Variants in KIT observed in about 807,000 individuals in gnomAD.
KIT encodes mast/stem cell growth factor receptor Kit.
In KIT, 16 loss-of-function variants were observed where a neutral mutation model predicts 105.7. That is an observed-to-expected ratio of 0.15 (90% CI 0.10 to 0.23). The LOEUF (loss-of-function observed/expected upper bound fraction) is 0.23, where lower values mean the gene tolerates loss of function less well. Ranked by LOEUF, KIT falls within the 10% of genes least tolerant of loss-of-function variation. The probability of loss-of-function intolerance (pLI) is 1.00; values close to 1 mark genes in which losing one functional copy is unlikely to be tolerated. For missense variants in KIT, 858 were observed against 1,213.8 expected (o/e 0.71, Z 4.36); for synonymous variants, 438 against 441.1 (o/e 0.99, Z 0.09).
chr4:54,678,268 A>ATAGCTTCATAGCTTC (rs376042266), intron 1 of KIT, among the ~76,000 whole-genome samples: 3 of 149,190 alleles, frequency 2.0e-5, no homozygotes, highest in African/African-American at 5.0e-5. Context: ...TCATAGCTTC[A>ATAGCTTCATAGCTTC]ATGCATTCCA....
intron 14 of KIT, 86 bp from the exon 15 acceptor site, chr4:54,731,242 A>AGG: frequency 1.1e-6 from 1 of 887,584 alleles, no homozygotes; most frequent in Non-Finnish European, 1.9e-6. Flanking sequence ...TATGTAGCAA[A>AGG]GGGGATGAGG....
intron 1 of KIT, among the ~76,000 whole-genome samples, chr4:54,669,321 A>G (rs1462192240): frequency 1.3e-5 from 2 of 151,674 alleles, no homozygotes; most frequent in African/African-American, 2.4e-5. Context: ...TTTTCAAGGG[A>G]TATTATTTAA....
chr4:54,680,385 CTTTTTTTTTTT>C (rs756268006), intron 1 of KIT, among the ~76,000 whole-genome samples: 4 of 102,690 alleles, frequency 3.9e-5, no homozygotes, highest in Non-Finnish European at 6.0e-5. Context: ...TTCATTCGTC[CTTTTTTTTTTT>C]TTTTTTTTTA....
chr4:54,719,500 C>T (rs1403909933), intron 7 of KIT, among the ~76,000 whole-genome samples: 3 of 152,116 alleles, frequency 2.0e-5, no homozygotes, highest in African/African-American at 7.2e-5. Context: ...AATCTGCCTA[C>T]AAGCTGATCG....
chr4:54,730,067 C>A (rs1560419990), intron 14 of KIT, among the ~76,000 whole-genome samples: 1 of 152,190 alleles, frequency 6.6e-6, no homozygotes, highest in South Asian at 2.1e-4. Context: ...TTATTCTCAT[C>A]TCTTTCATCA....
intron 1 of KIT, among the ~76,000 whole-genome samples, chr4:54,676,448 G>T (rs777856710): frequency 6.6e-6 from 1 of 152,164 alleles, no homozygotes; most frequent in Non-Finnish European, 1.5e-5. Context: ...ATGTCAGAAC[G>T]TCAGACCAGG....
chr4:54,715,392 G>A (rs996529002), intron 7 of KIT, among the ~76,000 whole-genome samples: 54 of 149,648 alleles, frequency 3.6e-4, no homozygotes, highest in Admixed American at 3.2e-3. Context: ...AAAAATGCCC[G>A]GGGCTGGGTG....
At chr4:54,729,625 G>A in intron 14 of KIT, 140 bp downstream of exon 14, 1 of 818,584 alleles carries the variant, frequency 1.2e-6, no homozygotes, top group Non-Finnish European at 2.0e-6. Flanking sequence ...TCATTTAAAT[G>A]TGATTAACAG....
rs755527973 is a variant in KIT at position 54,658,059 on chromosome 4, C to T, written c.45C>T (p.Leu15=). 4 of 1,613,726 alleles carry T rather than the reference C, an allele frequency of 2.5e-6. No homozygotes were observed. Among genetic ancestry groups the T allele is most frequent in the African/African-American group, 2.7e-5 (2 of 74,894 alleles). The change falls in exon 1 of 21, where the codon CTC becomes CTT. Residue 15 remains leucine, a synonymous_variant. Transcript: ENST00000288135. ...RGAWDFLCVL[L]LLLRVQTGSS... ...CCTGGGATTTTCTCTGCGTTCTGCT[C>T]CTACTGCTTCGCGTCCAGACAGGTG...
chr4:54,703,902 TC>T lies in KIT; in HGVS notation c.925+11del, dbSNP rs1459226806. 4 of 1,601,592 alleles carry T rather than the reference TC, an allele frequency of 2.5e-6. No individual in the cohort carries two copies. The highest frequency in any genetic ancestry group is 2.2e-5 in the South Asian group (2 of 90,804). ...ACCTTGGAAGTAGTAGGTAAATACC[TC>T]TATGGGAATGTTTAAATTACTGGCA... On this transcript the variant is annotated intron_variant, in intron 5 of 20. Transcript: ENST00000288135.
At chr4:54,661,801 G>C (rs1717291053) in intron 1 of KIT, among the ~76,000 whole-genome samples, 2 of 152,198 alleles carry the variant, frequency 1.3e-5, no homozygotes, top group Admixed American at 1.3e-4. Flanking sequence ...CAAATCCAGT[G>C]TAAATCTTTG....
chr4:54,670,779 C>A (rs892028535), intron 1 of KIT, among the ~76,000 whole-genome samples: 1 of 152,168 alleles, frequency 6.6e-6, no homozygotes. Flanking sequence ...CCCTCATTCC[C>A]GAGGGGTCCT....
chr4:54,709,319 T>A (rs188280359), intron 6 of KIT, 105 bp from the exon 7 acceptor site: 1 of 759,996 alleles, frequency 1.3e-6, no homozygotes, highest in Non-Finnish European at 2.4e-6. Flanking sequence ...AAATGAGTTA[T>A]ATTTTTCCTC....
chr4:54,675,247 A>G (rs866138866), intron 1 of KIT, among the ~76,000 whole-genome samples: 10 of 152,240 alleles, frequency 6.6e-5, no homozygotes, highest in Middle Eastern at 3.2e-3. Flanking sequence ...CATATGAAGA[A>G]TAAGGACAGA....
intron 1 of KIT, among the ~76,000 whole-genome samples, chr4:54,689,669 G>A (rs541300131): frequency 8.5e-5 from 13 of 152,236 alleles, no homozygotes; most frequent in African/African-American, 2.2e-4. Context: ...AGGTTTAGCC[G>A]GGCCTTAAAG....
intron 1 of KIT, among the ~76,000 whole-genome samples, chr4:54,659,026 C>T (rs1354205687): frequency 6.6e-6 from 1 of 152,108 alleles, no homozygotes; most frequent in Non-Finnish European, 1.5e-5. Flanking sequence ...GCCTGCCTGG[C>T]GGGTTCTGAA....
intron 7 of KIT, among the ~76,000 whole-genome samples, chr4:54,720,102 C>A (rs1020007010): frequency 6.6e-6 from 1 of 152,042 alleles, no homozygotes; most frequent in Non-Finnish European, 1.5e-5. Flanking sequence ...TTACTCTTGT[C>A]CTGGCTTTGA....
intron 6 of KIT, among the ~76,000 whole-genome samples, chr4:54,708,773 G>A (rs745931285): frequency 3.3e-5 from 5 of 152,098 alleles, no homozygotes; most frequent in South Asian, 2.1e-4. Flanking sequence ...CGTGTGGGTC[G>A]TGGACTGCCC....
At chr4:54,674,726 G>A (rs1362072676) in intron 1 of KIT, among the ~76,000 whole-genome samples, 1 of 152,214 alleles carries the variant, frequency 6.6e-6, no homozygotes, top group Admixed American at 6.5e-5. Flanking sequence ...AATGAACACT[G>A]TATGGCCTAC....
Sources: allele counts gnomAD v4.1 joint callset (sites outside exome capture counted in the v4.1 genomes callset), GRCh38; gene constraint gnomAD v4.1.1; transcripts MANE v1.5; gene names NCBI Gene and HGNC (gene_info 2026-07-23, HGNC 2026-07-21).